THOC5: variants seen among roughly 807,000 people sequenced by gnomAD.
The protein encoded by THOC5 is THO complex subunit 5.
In THOC5, 43 loss-of-function variants were observed where a neutral mutation model predicts 92.9. The ratio of observed to expected loss-of-function variants is 0.46; its 90% CI spans 0.36 to 0.60. The LOEUF is 0.60. Ranked by LOEUF, THOC5 falls within the 20% of genes least tolerant of loss-of-function variation. THOC5 has a pLI of 0.00. For missense variants in THOC5, 659 were observed against 849.4 expected (o/e 0.78, Z 2.79); for synonymous variants, 296 against 320.1 (o/e 0.92, Z 0.80).
chr22:29,543,383 G>A (rs2063941595), intron 4 of THOC5, 46 bp downstream of exon 4: 3 of 1,270,610 alleles, frequency 2.4e-6, no homozygotes, highest in Non-Finnish European at 3.4e-6. Flanking sequence ...GAAGGGGATG[G>A]GGAGGAGGAA....
chr22:29,513,365 A>G, intron 17 of THOC5, among the ~76,000 whole-genome samples: 1 of 148,462 alleles, frequency 6.7e-6, no homozygotes, highest in Admixed American at 6.7e-5. Context: ...TCAAAAAAAA[A>G]AAAAAAAAGT....
chr22:29,519,155 C>T (rs2072301), intron 14 of THOC5, 35 bp from the exon 15 acceptor site: 378,814 of 1,427,238 alleles, frequency 0.27, 52,299 homozygotes, highest in East Asian at 0.3. Context: ...CACGTGTGCT[C>T]CCCCATCCCT....
intron 3 of THOC5, 152 bp downstream of exon 3, chr22:29,544,308 A>G (rs1402005299): frequency 7.5e-6 from 5 of 663,534 alleles, no homozygotes; most frequent in Non-Finnish European, 1.2e-5. Context: ...AGAAGTTCCA[A>G]TAAATTCACA....
chr22:29,536,676 A>G lies in THOC5; in HGVS notation c.662T>C (p.Val221Ala), dbSNP rs751983589. The change falls in exon 7 of 20, where the codon GTG becomes GCG. Residue 221 changes from valine (V) to alanine (A), a missense_variant. Coordinates refer to ENST00000490103, the MANE Select transcript of THOC5 (RefSeq NM_003678.5). ...NKEKILKEIE[V>A]KKEYLSSLQP... ...GAGGCTGCTCAGGTACTCCTTCTTC[A>G]CCTCAATCTCCTTGAGAATCTTCTC... The G allele has an allele frequency of 2.1e-5, 34 of 1,613,648 alleles. No homozygotes were observed. Among genetic ancestry groups the G allele is most frequent in the Non-Finnish European group, 2.8e-5 (33 of 1,179,796 alleles).
At chr22:29,551,931 G>A (rs6006188) in intron 1 of THOC5, among the ~76,000 whole-genome samples, 120,989 of 150,994 alleles carry the variant, frequency 0.8, 48,773 homozygotes, top group African/African-American at 0.88. Flanking sequence ...AATTGCAGGC[G>A]CGCGCCGCCA....
At chr22:29,532,736 G>C (rs1327738620) in intron 7 of THOC5, among the ~76,000 whole-genome samples, 1 of 152,106 alleles carries the variant, frequency 6.6e-6, no homozygotes, top group East Asian at 1.9e-4. Context: ...CCAGCACTTT[G>C]GGAGGCCGAG....
chr22:29,553,296 T>G (rs996139036), intron 1 of THOC5, among the ~76,000 whole-genome samples: 4 of 152,210 alleles, frequency 2.6e-5, no homozygotes, highest in Admixed American at 2.6e-4. Flanking sequence ...GGTAAGTTGA[T>G]CTGGCAAAGC....
intron 12 of THOC5, 90 bp downstream of exon 12, chr22:29,525,748 G>T: frequency 9.8e-7 from 1 of 1,015,602 alleles, no homozygotes; most frequent in South Asian, 1.4e-5. Context: ...CCTCTCCAGA[G>T]CCAGAGGGAG....
chr22:29,535,011 A>G (rs965765757), intron 7 of THOC5: 2 of 150,078 alleles, frequency 1.3e-5, no homozygotes, highest in African/African-American at 2.5e-5. Flanking sequence ...GCTCATGCCT[A>G]TAATCCCAGT....
intron 14 of THOC5, 38 bp downstream of exon 14, chr22:29,519,970 A>G: frequency 1.3e-6 from 2 of 1,554,284 alleles, no homozygotes; most frequent in Non-Finnish European, 1.8e-6. Context: ...GAGAAGAGGT[A>G]AGCTCCTCAG....
chr22:29,528,592 TAATA>T lies in THOC5; in HGVS notation c.926-130_926-127del. The T allele has an allele frequency of 6.8e-6, 6 of 888,162 alleles. No individual in the cohort carries two copies. The South Asian group carries it at 9.0e-5, about 13-fold the overall frequency. 55.0% of individuals were successfully genotyped at this position (888,162 alleles called of 1,614,324 possible). A position where few individuals can be genotyped will look rare whatever the true frequency, so the allele number is the denominator to read the frequency against. ...TGTAAATAAGTTTCTCTGTAATAAA[TAATA>T]AATTAACTTGCTGCTTCTTATTCAG... On this transcript the variant is annotated intron_variant, in intron 9 of 19. Transcript: ENST00000490103.
rs751656152 is a variant in THOC5, at chr22:29,529,141, G to A, written c.925+21C>T. ...TGGTGACCTGGTGTCCCTGGGGGAC[G>A]AATCCCAACCACCACATTACCTTGG... On this transcript the variant is annotated intron_variant, in intron 9 of 19. Transcript: ENST00000490103. The A allele has an allele frequency of 2.6e-5, 42 of 1,613,508 alleles. No homozygotes were observed. In the South Asian group the frequency reaches 3.3e-4, roughly 13 times the overall value.
At chr22:29,511,566 A>G (rs1283703337) in intron 18 of THOC5, 1 of 488,362 alleles carries the variant, frequency 2.0e-6, no homozygotes. Context: ...GTCTCAAAAT[A>G]AGACCTAAGT....
At chr22:29,528,335 C>A (rs759850291) in intron 10 of THOC5, 91 bp downstream of exon 10, 29 of 1,614,044 alleles carry the variant, frequency 1.8e-5, no homozygotes, top group Middle Eastern at 1.7e-4. Context: ...TTTCACACCT[C>A]TTCTGCTTCT....
chr22:29,517,060 G>A lies in THOC5; in HGVS notation c.1650C>T (p.Leu550=). ...VDAGLAGDTN[L]YYMALIERGT... ...CCCTTTCGATGAGCGCCATGTAGTA[G>A]AGATTGGTGTCCCCAGCCAGTCCCG... Residue 550 remains leucine (L), a synonymous_variant, in exon 17 of 20, where the codon CTC becomes CTT. Transcript: ENST00000490103. 6.2e-7 allele frequency: 1 copy of A among 1,614,160 alleles called. No individual in the cohort carries two copies.
chr22:29,542,810 C>T, intron 5 of THOC5, 49 bp downstream of exon 5: 2 of 1,267,820 alleles, frequency 1.6e-6, no homozygotes, highest in Non-Finnish European at 1.1e-6. Flanking sequence ...TGGGAAAAAG[C>T]AGTTACCGAA....
At chr22:29,529,653 T>C (rs2146501161) in intron 8 of THOC5, among the ~76,000 whole-genome samples, 1 of 152,336 alleles carries the variant, frequency 6.6e-6, no homozygotes, top group East Asian at 1.9e-4. Flanking sequence ...GCTTATTCTC[T>C]ATTCTACACT....
intron 12 of THOC5, among the ~76,000 whole-genome samples, chr22:29,522,069 G>C (rs1325895128): frequency 2.0e-5 from 3 of 152,052 alleles, no homozygotes; most frequent in Non-Finnish European, 4.4e-5. Context: ...AAACATTTCA[G>C]GCCAGGCACA....
At chr22:29,525,704 A>G (rs983022338) in intron 12 of THOC5, 134 bp downstream of exon 12, 2 of 600,864 alleles carry the variant, frequency 3.3e-6, no homozygotes, top group African/African-American at 3.7e-5. Flanking sequence ...CTTCTGGTCC[A>G]TCTGGATACA....
Sources: gnomAD v4.1 joint callset for allele counts (sites outside exome capture counted in the v4.1 genomes callset) on GRCh38, gnomAD v4.1.1 for gene constraint, MANE v1.5 for transcripts, NCBI Gene and HGNC (gene_info 2026-07-23, HGNC 2026-07-21) for gene names.